Variants in BAHD1 observed in about 807,000 individuals in gnomAD.
BAHD1 encodes bromo adjacent homology domain-containing 1 protein.
In BAHD1, 20 loss-of-function variants were observed where a neutral mutation model predicts 63.1. That is an observed-to-expected ratio of 0.32 (90% CI 0.22 to 0.46). The LOEUF is 0.46. Among genes scored for constraint, BAHD1 ranks in the 20% least tolerant of loss-of-function variants. The pLI, the probability that BAHD1 is intolerant of heterozygous loss-of-function variation, is 1.00. For synonymous variants in BAHD1, 408 were observed against 426.8 expected, an observed-to-expected ratio of 0.96 and a Z score of 0.54; for missense variants, 939 against 1,071.8, an observed-to-expected ratio of 0.88 and a Z score of 1.73.
rs1893903905 is a variant in BAHD1, at chr15:40,458,154, C to T, written c.-14-297C>T. Among the ~76,000 whole-genome samples, 1 of 152,184 alleles carries T rather than the reference C, an allele frequency of 6.6e-6. No individual in the cohort carries two copies. Among genetic ancestry groups the T allele is most frequent in the Non-Finnish European group, 1.5e-5 (1 of 68,026 alleles). On this transcript the variant is annotated intron_variant, in intron 1 of 6. Transcript: ENST00000416165. This position sits in a 1 kb window ranked among gnomAD's most constrained non-coding sequence, Gnocchi z 4.7. ...GAACAAAGAGCTTTGCCACCAGCTCCTCCTATCCCCTGTCCCTGGGGTCTG... is the reference window on the plus strand; with the variant it reads ...GAACAAAGAGCTTTGCCACCAGCTCTTCCTATCCCCTGTCCCTGGGGTCTG...
Position 40,462,287 on chromosome 15 carries a change from A to G in BAHD1, c.1808A>G (p.Tyr603Cys). The G allele has an allele frequency of 1.2e-6, 2 of 1,603,908 alleles. No homozygotes were observed. Among genetic ancestry groups the G allele is most frequent in the East Asian group, 2.2e-5 (1 of 44,636 alleles). Residue 603 changes from tyrosine to cysteine, a missense_variant, in exon 3 of 7, where the codon TAT becomes TGT. By Grantham distance (194) the Tyr-to-Cys change is radical. Transcript: ENST00000416165. ...PVGAACEKAV[Y>C]VLDEPEPAIR... Reference sequence around the variant, plus strand: ...GGGGCTGCGTGTGAGAAGGCTGTGTATGTCTTGGTAAGTGCTAGCTCTTAG... The same window carrying G: ...GGGGCTGCGTGTGAGAAGGCTGTGTGTGTCTTGGTAAGTGCTAGCTCTTAG...
intron 1 of BAHD1, among the ~76,000 whole-genome samples, chr15:40,442,168 C>G (rs1893422499): frequency 6.6e-6 from 1 of 152,024 alleles, no homozygotes; most frequent in South Asian, 2.1e-4. Flanking sequence ...GCCCGAGGGG[C>G]TCGCTTGGCG....
chr15:40,440,813 G>C (rs1007119258), upstream of BAHD1, among the ~76,000 whole-genome samples: 2 of 152,258 alleles, frequency 1.3e-5, no homozygotes, highest in African/African-American at 4.8e-5. Flanking sequence ...GAGACCGGGA[G>C]GGGGAGCCGA....
intron 1 of BAHD1, among the ~76,000 whole-genome samples, chr15:40,453,211 A>G (rs759961078): frequency 6.6e-6 from 1 of 152,220 alleles, no homozygotes; most frequent in Non-Finnish European, 1.5e-5. Flanking sequence ...TACATTGCTC[A>G]GGAGGGACAG....
chr15:40,467,676 G>A lies in BAHD1; in HGVS notation c.*1546G>A, dbSNP rs1285824011. 6.5e-6 allele frequency: 1 copy of A among 152,710 alleles called. No individual in the cohort carries two copies. Among genetic ancestry groups the A allele is most frequent in the African/African-American group, 2.4e-5 (1 of 41,434 alleles). The allele number at this position is 152,710 out of a possible 1,614,324, so 9.5% of individuals were successfully genotyped here. On this transcript the variant is annotated 3_prime_UTR_variant, in exon 7 of 7. Coordinates refer to ENST00000416165, the MANE Select transcript of BAHD1 (RefSeq NM_014952.5). ...CTGATTGGTCATTGGGTTTGGGTGA[G>A]GCCTGGAGGCTTCAGAGGTGAATTT...
intron 1 of BAHD1, among the ~76,000 whole-genome samples, chr15:40,455,071 C>A (rs1275974447): frequency 1.3e-5 from 2 of 152,228 alleles, no homozygotes; most frequent in African/African-American, 4.8e-5. Flanking sequence ...AGGCAGGCAG[C>A]AGAGACCCCA....
intron 1 of BAHD1, among the ~76,000 whole-genome samples, chr15:40,448,634 T>G (rs1425291787): frequency 6.6e-6 from 1 of 152,142 alleles, no homozygotes; most frequent in Non-Finnish European, 1.5e-5. Context: ...CCTACCGGGC[T>G]CAAGTGATCC....
chr15:40,464,593 G>A (rs775002763), intron 5 of BAHD1, 46 bp downstream of exon 5: 2 of 1,537,344 alleles, frequency 1.3e-6, no homozygotes, highest in Non-Finnish European at 1.8e-6. Flanking sequence ...AGAGACAGAG[G>A]GAAAGGTTAT....
Position 40,458,207 on chromosome 15 carries a change from T to G in BAHD1, c.-14-244T>G, listed in dbSNP as rs1317059224. Among the ~76,000 whole-genome samples, 1 of 152,094 alleles carries G rather than the reference T, an allele frequency of 6.6e-6. No homozygotes were observed. Among genetic ancestry groups the G allele is most frequent in the African/African-American group, 2.4e-5 (1 of 41,402 alleles). On this transcript the variant is annotated intron_variant, in intron 1 of 6. Coordinates refer to ENST00000416165, the MANE Select transcript of BAHD1 (RefSeq NM_014952.5). This position sits in a 1 kb window ranked among gnomAD's most constrained non-coding sequence, Gnocchi z 4.7. ...TTGCTCCCTAGGCTCTTCAGGGGCTTAGTTCAGAGATACCCTAGGCTAAAA... is the reference window on the plus strand; with the variant it reads ...TTGCTCCCTAGGCTCTTCAGGGGCTGAGTTCAGAGATACCCTAGGCTAAAA...
chr15:40,440,702 C>T (rs1595842311), upstream of BAHD1, among the ~76,000 whole-genome samples: 1 of 152,082 alleles, frequency 6.6e-6, no homozygotes, highest in African/African-American at 2.4e-5. Flanking sequence ...CTTGGCACGG[C>T]ACCCCTCCCC....
intron 1 of BAHD1, among the ~76,000 whole-genome samples, chr15:40,446,999 A>ATAAAC (rs1893558451): frequency 6.6e-6 from 1 of 152,202 alleles, no homozygotes; most frequent in Non-Finnish European, 1.5e-5. Flanking sequence ...CCTGTCCACA[A>ATAAAC]TGTTTAGGAA....
intron 5 of BAHD1, chr15:40,464,907 G>A (rs1894156489): frequency 5.2e-6 from 2 of 382,762 alleles, no homozygotes; most frequent in Non-Finnish European, 9.7e-6. Context: ...GAGGGGAGGG[G>A]AGGAAAGACT....
intron 1 of BAHD1, among the ~76,000 whole-genome samples, chr15:40,446,112 G>A (rs1363711741): frequency 6.6e-6 from 1 of 152,260 alleles, no homozygotes; most frequent in Admixed American, 6.5e-5. Context: ...GTTCTTGGAT[G>A]ATGAAATCTT....
Position 40,458,565 on chromosome 15 carries a change from T to C in BAHD1, c.101T>C (p.Val34Ala). The change falls in exon 2 of 7, where the codon GTT becomes GCT. Residue 34 changes from valine to alanine, a missense_variant. By Grantham distance (64) the Val-to-Ala change is moderately conservative (BLOSUM62 0). Around this residue, in one of 5 missense-constraint regions of BAHD1, gnomAD observed 797 missense variants for 813.3 expected, o/e 0.98. Coordinates refer to ENST00000416165, the MANE Select transcript of BAHD1 (RefSeq NM_014952.5). The surrounding 1 kb of genome is among the most constrained non-coding windows in gnomAD (Gnocchi z 4.7). ...GAAGACAGCAACATGGAGCAGGGGG[T>C]TGAGGGTGTGGAGCCAGGCATGCCC... Reference protein sequence around the residue: ...QMEDSNMEQGVEGVEPGMPES... With the variant: ...QMEDSNMEQGAEGVEPGMPES... 6.2e-7 allele frequency: 1 copy of C among 1,612,372 alleles called. No individual in the cohort carries two copies. Among genetic ancestry groups the C allele is most frequent in the African/African-American group, 1.3e-5 (1 of 74,480 alleles).
At chr15:40,456,764 G>A (rs1179670630) in intron 1 of BAHD1, among the ~76,000 whole-genome samples, 1 of 152,240 alleles carries the variant, frequency 6.6e-6, no homozygotes, top group Admixed American at 6.5e-5. Context: ...GAATGAGTGT[G>A]AACAGCAATA....
intron 1 of BAHD1, among the ~76,000 whole-genome samples, chr15:40,446,238 A>G (rs1045037693): frequency 2.6e-5 from 4 of 152,230 alleles, no homozygotes; most frequent in African/African-American, 7.2e-5. Context: ...TAAAATGGCT[A>G]AAAAGGAGGA....
chr15:40,454,989 G>A (rs369484770), intron 1 of BAHD1, among the ~76,000 whole-genome samples: 31 of 152,234 alleles, frequency 2.0e-4, no homozygotes, highest in African/African-American at 6.7e-4. Flanking sequence ...AGTTGCAGCC[G>A]AGCTTCTTGT....
chr15:40,449,608 T>G (rs1465287362), intron 1 of BAHD1, among the ~76,000 whole-genome samples: 1 of 151,936 alleles, frequency 6.6e-6, no homozygotes, highest in East Asian at 1.9e-4. Flanking sequence ...GAGACCAGCC[T>G]GGGCAACATA....
In BAHD1 at chr15:40,459,061, A is replaced by G; in HGVS notation, c.597A>G (p.Pro199=). Reference sequence around the variant, plus strand: ...AAGGTCCCCGCCGAGATGGAGACCCAGCTCCCAAGAGACTGGCTAGCCTGA... The same window carrying G: ...AAGGTCCCCGCCGAGATGGAGACCCGGCTCCCAAGAGACTGGCTAGCCTGA... ...PDEGPRRDGD[P]APKRLASLNA... The change falls in exon 2 of 7, where the codon CCA becomes CCG. Residue 199 remains proline, a synonymous_variant. Coordinates refer to ENST00000416165, the MANE Select transcript of BAHD1 (RefSeq NM_014952.5). 1 of 1,610,460 alleles carries G rather than the reference A, an allele frequency of 6.2e-7. No homozygotes were observed.
Sources: allele counts gnomAD v4.1 joint callset (sites outside exome capture counted in the v4.1 genomes callset), GRCh38; gene constraint gnomAD v4.1.1; regional missense constraint gnomAD v4.1.1; non-coding constraint Gnocchi (gnomAD v3.1); transcripts MANE v1.5; gene names NCBI Gene and HGNC (gene_info 2026-07-23, HGNC 2026-07-21).